The following L2HGDH variants were observed in gnomAD, a reference collection of about 807,000 sequenced individuals.
L2HGDH encodes L-2-hydroxyglutarate dehydrogenase.
A neutral mutation model predicts 51.5 loss-of-function variants in L2HGDH; 34 were observed. The observed-to-expected ratio is 0.66, with a 90% confidence interval of 0.50 to 0.88. L2HGDH has a LOEUF of 0.88. Ranked by LOEUF, L2HGDH falls within the 40% of genes least tolerant of loss-of-function variation. The pLI, the probability that L2HGDH is intolerant of heterozygous loss-of-function variation, is 0.00. For synonymous variants in L2HGDH, 198 were observed against 197.9 expected (o/e 1.00, Z -0.01); for missense variants, 558 against 571.9 (o/e 0.98, Z 0.25).
intron 1 of L2HGDH, among the ~76,000 whole-genome samples, chr14:50,309,869 T>C (rs116023915): frequency 0.016 from 2,423 of 151,970 alleles, 65 homozygotes; most frequent in African/African-American, 0.056. Context: ...AATTTTTTTG[T>C]AGAGCAGGGG....
At chr14:50,249,240 C>T (rs893980529) in intron 9 of L2HGDH, among the ~76,000 whole-genome samples, 1 of 152,138 alleles carries the variant, frequency 6.6e-6, no homozygotes, top group African/African-American at 2.4e-5. Context: ...GTCTAGGGCA[C>T]AAGGACTCCA....
rs2030491444 is a variant in L2HGDH, at chr14:50,302,812, AACACTG to A, written c.256+84_256+89del. 1.0e-5 allele frequency: 9 copies of A among 903,164 alleles called. No homozygotes were observed. In the East Asian group the frequency reaches 1.2e-4, roughly 12 times the overall value. 55.9% of individuals were successfully genotyped at this position (903,164 alleles called of 1,614,324 possible). A position where few individuals can be genotyped will look rare whatever the true frequency, so the allele number is the denominator to read the frequency against. On this transcript the variant is annotated intron_variant, in intron 2 of 9. Transcript: ENST00000267436. Reference sequence around the variant, plus strand: ...CTTTTAGAACACAAACTAAGAAACTAACACTGACATTCAGCATGAAAGATTCACAAC... The same window carrying A: ...CTTTTAGAACACAAACTAAGAAACTAACATTCAGCATGAAAGATTCACAAC...
At chr14:50,253,688 C>T (rs1310472023) in intron 9 of L2HGDH, among the ~76,000 whole-genome samples, 3 of 152,028 alleles carry the variant, frequency 2.0e-5, no homozygotes, top group Non-Finnish European at 4.4e-5. Flanking sequence ...TGGATATATA[C>T]CCAAAAGAAA....
intron 9 of L2HGDH, among the ~76,000 whole-genome samples, chr14:50,264,385 A>C (rs1019421854): frequency 3.3e-5 from 5 of 152,098 alleles, no homozygotes; most frequent in African/African-American, 1.2e-4. Flanking sequence ...TTTCAGAAAA[A>C]ATATAAAAAT....
chr14:50,278,562 A>G lies in L2HGDH; in HGVS notation c.704-8T>C. 7.2e-7 allele frequency: 1 copy of G among 1,381,298 alleles called. No individual in the cohort carries two copies. Among genetic ancestry groups the G allele is most frequent in the Non-Finnish European group, 1.0e-6 (1 of 981,648 alleles). 85.6% of individuals were successfully genotyped at this position (1,381,298 alleles called of 1,614,324 possible). A position where few individuals can be genotyped will look rare whatever the true frequency, so the allele number is the denominator to read the frequency against. On this transcript the variant is annotated splice_polypyrimidine_tract_variant and splice_region_variant and intron_variant, in intron 5 of 9. Coordinates refer to ENST00000267436, the MANE Select transcript of L2HGDH (RefSeq NM_024884.3). The stretch of plus-strand genomic sequence containing the variant: ...CAATTGGATATTGCATTCCTGAAAA[A>G]AAAGAATAAGTGAAAAATTTATTTT...
At chr14:50,298,051 C>G (rs2030176624) in intron 3 of L2HGDH, among the ~76,000 whole-genome samples, 1 of 151,942 alleles carries the variant, frequency 6.6e-6, no homozygotes, top group South Asian at 2.1e-4. Context: ...TAAGACCAGC[C>G]TAGTTAACAT....
At chr14:50,285,081 T>C (rs1200852114) in intron 4 of L2HGDH, among the ~76,000 whole-genome samples, 1 of 152,150 alleles carries the variant, frequency 6.6e-6, no homozygotes, top group Non-Finnish European at 1.5e-5. Context: ...ACCTCATCTC[T>C]ACTAAAAATA....
At chr14:50,268,526 A>T (rs1352837513) in intron 7 of L2HGDH, among the ~76,000 whole-genome samples, 6 of 152,162 alleles carry the variant, frequency 3.9e-5, no homozygotes, top group Non-Finnish European at 7.3e-5. Flanking sequence ...GATGTCTATG[A>T]CTGGCAAGTA....
rs1019425415 is a variant in L2HGDH, at chr14:50,267,869, T to C, written c.948A>G (p.Thr316=). The C allele has an allele frequency of 1.1e-5, 17 of 1,613,936 alleles. No individual in the cohort carries two copies. The highest frequency in any genetic ancestry group is 1.2e-5 in the Non-Finnish European group (14 of 1,179,910). Residue 316 remains threonine, a synonymous_variant, in exon 8 of 10, where the codon ACA becomes ACG. Transcript: ENST00000267436. ...SRFPFLGVHF[T]PRMDGSIWLG... ...GCCAAATACTGCCATCCATCCTTGG[T>C]GTGAAGTGAACTCCTAGGAAAGGAA...
chr14:50,311,374 T>G, intron 1 of L2HGDH: 1 of 456,072 alleles, frequency 2.2e-6, no homozygotes, highest in Non-Finnish European at 4.4e-6. Context: ...GCCCACCTTC[T>G]AGTCGTCAAA....
At chr14:50,274,133 G>A (rs1889840163) in intron 6 of L2HGDH, among the ~76,000 whole-genome samples, 1 of 144,952 alleles carries the variant, frequency 6.9e-6, no homozygotes, top group South Asian at 2.2e-4. Context: ...GGGCAAAGAA[G>A]CCGGGCATGG....
intron 7 of L2HGDH, 50 bp downstream of exon 7, chr14:50,269,113 G>T: frequency 9.6e-5 from 133 of 1,382,044 alleles, no homozygotes; most frequent in Non-Finnish European, 1.2e-4. Context: ...TCTCCTTTAT[G>T]ACCACCACCT....
rs531663473 is a variant in L2HGDH, at chr14:50,269,266, T to A, written c.803A>T (p.Glu268Val). 1.5e-5 allele frequency: 25 copies of A among 1,614,078 alleles called. No homozygotes were observed. In the South Asian group the frequency reaches 2.6e-4, roughly 17 times the overall value. Residue 268 changes from glutamate to valine, a missense_variant, in exon 7 of 10, where the codon GAG (glutamate) becomes GTG (valine). Physicochemically the swap from Glu to Val is moderately radical, Grantham distance 121 (BLOSUM62 -2). Transcript: ENST00000267436. Reference protein sequence around the residue: ...CAGLYSDRISELSGCTPDPRI... With the variant: ...CAGLYSDRISVLSGCTPDPRI... Reference sequence around the variant, plus strand: ...AGGATCAGGAGTGCAGCCACTCAACTCTGAAATACGGTCTGAGTAAAGTCC... The same window carrying A: ...AGGATCAGGAGTGCAGCCACTCAACACTGAAATACGGTCTGAGTAAAGTCC...
intron 4 of L2HGDH, 123 bp from the exon 5 acceptor site, chr14:50,284,156 T>G (rs1221605636): frequency 4.8e-6 from 4 of 829,508 alleles, no homozygotes; most frequent in South Asian, 3.1e-5. Context: ...CTTTTCTTGC[T>G]GCTACAATGA....
Position 50,246,818 on chromosome 14 carries a change from G to A in L2HGDH, c.*240C>T. 1.9e-6 allele frequency: 1 copy of A among 534,538 alleles called. No homozygotes were observed. Among genetic ancestry groups the A allele is most frequent in the Non-Finnish European group, 3.1e-6 (1 of 321,396 alleles). The allele number at this position is 534,538 out of a possible 1,614,324, so 33.1% of individuals were successfully genotyped here. A position where few individuals can be genotyped will look rare whatever the true frequency, so the allele number is the denominator to read the frequency against. ...CTCTCAGCTCACCTCCGTCTGCTCG[G>A]TTCAATTGATTCTCCTGCCTCAGCC... On this transcript the variant is annotated 3_prime_UTR_variant, in exon 10 of 10. Transcript: ENST00000267436.
chr14:50,282,080 T>C (rs1418800357), intron 5 of L2HGDH, among the ~76,000 whole-genome samples: 3 of 152,050 alleles, frequency 2.0e-5, no homozygotes, highest in Non-Finnish European at 4.4e-5. Flanking sequence ...GACCTCATGA[T>C]CCGCCCGCCT....
rs540656120 is a variant in L2HGDH, at chr14:50,271,268, C to A, written c.739-1938G>T. ...CATCAGCTCCTACACAAAAGATTGG[C>A]AGTTCTTTCGTTCTTGGAACAAAAA... On this transcript the variant is annotated intron_variant, in intron 6 of 9. Coordinates refer to ENST00000267436, the MANE Select transcript of L2HGDH (RefSeq NM_024884.3). 1.7e-3 allele frequency among the ~76,000 whole-genome samples: 257 copies of A among 152,258 alleles called. 1 individual carries two copies. The highest frequency in any genetic ancestry group is 3.7e-3 in the Admixed American group (56 of 15,296).
intron 7 of L2HGDH, among the ~76,000 whole-genome samples, 185 bp downstream of exon 7, chr14:50,268,978 A>G (rs1889510386): frequency 6.6e-6 from 1 of 152,200 alleles, no homozygotes; most frequent in Admixed American, 6.5e-5. Context: ...ATTAATTACA[A>G]TTTAATAACC....
At chr14:50,250,733 A>T (rs1451001490) in intron 9 of L2HGDH, among the ~76,000 whole-genome samples, 4 of 152,218 alleles carry the variant, frequency 2.6e-5, no homozygotes, top group Non-Finnish European at 5.9e-5. Flanking sequence ...TTTGGGAGGA[A>T]GTAAGGGAAA....
Sources: gnomAD v4.1 joint callset for allele counts (sites outside exome capture counted in the v4.1 genomes callset) on GRCh38, gnomAD v4.1.1 for gene constraint, MANE v1.5 for transcripts, NCBI Gene and HGNC (gene_info 2026-07-23, HGNC 2026-07-21) for gene names.